Variants in UNC13B observed in about 807,000 individuals in gnomAD.
UNC13B encodes unc-13 homolog B, also known as protein unc-13 homolog B.
Under a neutral mutation model 211.0 loss-of-function variants are expected in UNC13B, and 144 were observed. The ratio of observed to expected loss-of-function variants is 0.68; its 90% CI spans 0.60 to 0.78. The LOEUF (loss-of-function observed/expected upper bound fraction) is 0.78. UNC13B is among the 30% of genes least tolerant of loss of function. The pLI is 0.00. For missense variants in UNC13B, 1,777 were observed against 2,002.0 expected (o/e 0.89, Z 2.14); for synonymous variants, 709 against 725.8 (o/e 0.98, Z 0.37).
chr9:35,282,149 CA>C (rs957922808), intron 7 of UNC13B, among the ~76,000 whole-genome samples: 3 of 152,112 alleles, frequency 2.0e-5, no homozygotes, highest in African/African-American at 7.2e-5. Context: ...GAATATAACA[CA>C]GATATATAGA....
intron 6 of UNC13B, among the ~76,000 whole-genome samples, chr9:35,257,557 G>A (rs941975056): frequency 3.2e-5 from 4 of 123,348 alleles, no homozygotes; most frequent in African/African-American, 9.2e-5. Flanking sequence ...CTCCAGCCTG[G>A]GAGAAAGAGT....
rs572385498 is a variant in UNC13B, at chr9:35,167,359, G to T, written c.22+5054G>T. 4.6e-5 allele frequency among the ~76,000 whole-genome samples: 7 copies of T among 152,064 alleles called. No homozygotes were observed. In the South Asian group the frequency reaches 1.0e-3, roughly 23 times the overall value. On this transcript the variant is annotated intron_variant, in intron 1 of 39. Coordinates refer to ENST00000635942, the MANE Select transcript of UNC13B (RefSeq NM_001371189.2). ...AAGTGCTGAGATTACAGGCATGAGC[G>T]CCTGGCCAGTGTTAATGTATTTTAT...
chr9:35,255,053 AATATATATTATGTATAATATAAT>A (rs1366925229), intron 6 of UNC13B, among the ~76,000 whole-genome samples: 1 of 118,906 alleles, frequency 8.4e-6, no homozygotes, highest in Non-Finnish European at 1.6e-5. Context: ...TATATAATAT[AATATATATTATGTATAATATAAT>A]ATATATATTA....
At chr9:35,191,688 G>C (rs117068213) in intron 1 of UNC13B, among the ~76,000 whole-genome samples, 1 of 152,116 alleles carries the variant, frequency 6.6e-6, no homozygotes, top group Admixed American at 6.6e-5. Flanking sequence ...GCCCTTCCCC[G>C]GGAACTAACT....
chr9:35,331,040 A>C (rs1322936781), intron 11 of UNC13B, among the ~76,000 whole-genome samples: 1 of 152,156 alleles, frequency 6.6e-6, no homozygotes, highest in African/African-American at 2.4e-5. Flanking sequence ...TTCCTCTACA[A>C]AATTACTTGC....
In UNC13B at chr9:35,306,899, T is replaced by G. The variant is rs1193940521; in HGVS notation, c.7495T>G (p.Ser2499Ala). The G allele has an allele frequency of 1.0e-5, 4 of 398,970 alleles. No homozygotes were observed. Among genetic ancestry groups the G allele is most frequent in the African/African-American group, 2.1e-5 (1 of 48,632 alleles). 24.7% of individuals were successfully genotyped at this position (398,970 alleles called of 1,614,324 possible). ...GAAAAACTCCTTTTTCTCTCTTGCT[T>G]CTGATGTATCATCTCAGCCCCTCAA... is the stretch of plus-strand genomic sequence containing the variant. ...PKKNSFFSLA[S>A]DVSSQPLKGE... is the part of the protein sequence containing the mutation. Residue 2499 changes from serine to alanine, a missense_variant, in exon 9 of 40, where the codon TCT becomes GCT. Ser to Ala is a moderately conservative substitution (Grantham distance 99). Coordinates refer to ENST00000635942, the MANE Select transcript of UNC13B (RefSeq NM_001371189.2).
chr9:35,249,226 C>T (rs1008180786), intron 6 of UNC13B, among the ~76,000 whole-genome samples: 4 of 152,098 alleles, frequency 2.6e-5, no homozygotes, highest in African/African-American at 9.7e-5. Flanking sequence ...TCCTCCATCC[C>T]TTTATTTTGA....
intron 11 of UNC13B, among the ~76,000 whole-genome samples, chr9:35,364,132 C>CAGAACATCTCCA (rs1564167873): frequency 6.8e-6 from 1 of 148,140 alleles, no homozygotes; most frequent in African/African-American, 2.7e-5. Context: ...AATAAGCTCA[C>CAGAACATCTCCA]GTGGCTTCTG....
At chr9:35,352,886 G>A (rs1168588351) in intron 11 of UNC13B, 1 of 1,232,176 alleles carries the variant, frequency 8.1e-7, no homozygotes, top group Non-Finnish European at 1.0e-6. Context: ...AAAACATGAA[G>A]CATGTAAAGT....
intron 16 of UNC13B, 92 bp from the exon 17 acceptor site, chr9:35,378,203 G>A: frequency 6.5e-7 from 1 of 1,535,834 alleles, no homozygotes; most frequent in Non-Finnish European, 8.9e-7. Context: ...TGTGCAAGGA[G>A]CATAGACTGC....
In UNC13B at chr9:35,282,524, T is replaced by A. The variant is rs575472614; in HGVS notation, c.527-13172T>A. Among the ~76,000 whole-genome samples the A allele has an allele frequency of 3.9e-5, 6 of 152,270 alleles. No individual in the cohort carries two copies. In the East Asian group the frequency reaches 7.7e-4, roughly 20 times the overall value. On this transcript the variant is annotated intron_variant, in intron 7 of 39. Transcript: ENST00000635942. ...TCGGCTCACTGCAACCTCTGCCTCC[T>A]GGGATCAAGAGATTCTCCTGCTTTA... is the stretch of plus-strand genomic sequence containing the variant.
chr9:35,198,475 T>C (rs916223352), intron 1 of UNC13B, among the ~76,000 whole-genome samples: 2 of 152,240 alleles, frequency 1.3e-5, no homozygotes, highest in African/African-American at 2.4e-5. Flanking sequence ...ATCTCTTTTC[T>C]TTATACAGTA....
intron 1 of UNC13B, among the ~76,000 whole-genome samples, chr9:35,179,417 T>C (rs766290799): frequency 5.9e-5 from 9 of 152,114 alleles, no homozygotes; most frequent in Non-Finnish European, 1.2e-4. Context: ...AATGGAAAAT[T>C]TGGGATTCTA....
At chr9:35,228,659 C>T (rs1038225371) in intron 2 of UNC13B, among the ~76,000 whole-genome samples, 2 of 150,936 alleles carry the variant, frequency 1.3e-5, no homozygotes, top group African/African-American at 4.9e-5. Flanking sequence ...CCATGTGAAA[C>T]ATATCTTATG....
Position 35,307,605 on chromosome 9 carries a change from T to A in UNC13B, c.8201T>A (p.Leu2734His). The change falls in exon 9 of 40, where the codon CTT becomes CAT. Residue 2734 changes from leucine to histidine, a missense_variant. Transcript: ENST00000635942. Reference sequence around the variant, plus strand: ...CATCCTCTGCTGGAGGACCCTGTGCTTGCTGCCAGAGAAAGTTGTGAGATA... The same window carrying A: ...CATCCTCTGCTGGAGGACCCTGTGCATGCTGCCAGAGAAAGTTGTGAGATA... Reference protein sequence around the residue: ...FSHPLLEDPVLAARESCEIIH... With the variant: ...FSHPLLEDPVHAARESCEIIH... 1 of 399,176 alleles carries A rather than the reference T, an allele frequency of 2.5e-6. No homozygotes were observed. The highest frequency in any genetic ancestry group is 4.4e-5 in the Admixed American group (1 of 22,740). 24.7% of individuals were successfully genotyped at this position (399,176 alleles called of 1,614,324 possible).
chr9:35,205,775 A>G (rs541341324), intron 1 of UNC13B, among the ~76,000 whole-genome samples: 2 of 152,296 alleles, frequency 1.3e-5, no homozygotes, highest in Non-Finnish European at 2.9e-5. Context: ...TGGGTATACT[A>G]TAATTTGTTT....
rs796723054 is a variant in UNC13B, at chr9:35,317,005, CTT to C, written c.9414+3019_9414+3020del. On this transcript the variant is annotated intron_variant, in intron 11 of 39. Transcript: ENST00000635942. ...ATTTTTGTTAATAAACATTAAAAAA[CTT>C]TTAAATTTGTTATGCTTTTCACATT... 9.9e-5 allele frequency among the ~76,000 whole-genome samples: 15 copies of C among 152,068 alleles called. No individual in the cohort carries two copies. The South Asian group carries it at 2.7e-3, about 27-fold the overall frequency.
chr9:35,167,125 G>C (rs1343222134), intron 1 of UNC13B, among the ~76,000 whole-genome samples: 1 of 152,048 alleles, frequency 6.6e-6, no homozygotes, highest in Non-Finnish European at 1.5e-5. Context: ...GCCCAGGCTG[G>C]AGTGCAGTGG....
chr9:35,324,418 T>C (rs1241136816), intron 11 of UNC13B, among the ~76,000 whole-genome samples: 1 of 152,242 alleles, frequency 6.6e-6, no homozygotes, highest in Non-Finnish European at 1.5e-5. Context: ...GAATATAATA[T>C]GCACAGCTTT....
Sources: allele counts gnomAD v4.1 joint callset (sites outside exome capture counted in the v4.1 genomes callset), GRCh38; gene constraint gnomAD v4.1.1; transcripts MANE v1.5; gene names NCBI Gene and HGNC (gene_info 2026-07-23, HGNC 2026-07-21).